The following SYNPR variants were observed in gnomAD, a reference collection of about 807,000 sequenced individuals.
SYNPR encodes the protein synaptoporin.
In SYNPR, 23 loss-of-function variants were observed where a neutral mutation model predicts 32.9. The ratio of observed to expected loss-of-function variants is 0.70; its 90% confidence interval spans 0.50 to 0.99. The LOEUF is 0.99. Among genes scored for constraint, SYNPR ranks in the 50% least tolerant of loss-of-function variants. SYNPR has a pLI of 0.00. For missense variants in SYNPR, 318 were observed against 349.3 expected (o/e 0.91, Z 0.71); for synonymous variants, 146 against 135.9 (o/e 1.07, Z -0.52).
chr3:63,481,908 C>T (rs1172780081), intron 3 of SYNPR, among the ~76,000 whole-genome samples: 5 of 152,104 alleles, frequency 3.3e-5, no homozygotes, highest in East Asian at 1.9e-4. Context: ...ATCATAAGCT[C>T]GGCATGGCTT....
At chr3:63,551,616 G>A (rs897666493) in intron 3 of SYNPR, among the ~76,000 whole-genome samples, 3 of 152,056 alleles carry the variant, frequency 2.0e-5, no homozygotes, top group African/African-American at 7.2e-5. Flanking sequence ...TCTTTTTATA[G>A]CCACCCTAGT....
intron 3 of SYNPR, among the ~76,000 whole-genome samples, chr3:63,487,673 A>G (rs184938739): frequency 4.1e-4 from 63 of 152,294 alleles, no homozygotes; most frequent in Admixed American, 3.2e-3. Flanking sequence ...GCTTTTAACT[A>G]TTTAATGTTT....
intron 3 of SYNPR, among the ~76,000 whole-genome samples, chr3:63,271,980 T>C (rs1181915314): frequency 1.3e-5 from 2 of 151,862 alleles, no homozygotes; most frequent in African/African-American, 4.8e-5. Context: ...GAAAAGAGAA[T>C]TGGGGGAACA....
At chr3:63,466,430 G>C (rs1231517197) in intron 2 of SYNPR, among the ~76,000 whole-genome samples, 1 of 151,424 alleles carries the variant, frequency 6.6e-6, no homozygotes, top group Admixed American at 6.6e-5. Flanking sequence ...GTTGGACATA[G>C]AGGCTTGCAC....
At chr3:63,264,926 T>TCG (rs1553862062) in intron 2 of SYNPR, among the ~76,000 whole-genome samples, 3 of 151,304 alleles carry the variant, frequency 2.0e-5, no homozygotes, top group Admixed American at 2.0e-4. Flanking sequence ...CTCAGAATCA[T>TCG]GGGGGAGCCA....
chr3:63,449,380 A>G (rs1432513596), intron 2 of SYNPR, among the ~76,000 whole-genome samples: 2 of 152,184 alleles, frequency 1.3e-5, no homozygotes, highest in East Asian at 3.9e-4. Flanking sequence ...CTAATAGACC[A>G]GGATTTCTCA....
At chr3:63,386,263 G>C (rs1430309192) in intron 2 of SYNPR, among the ~76,000 whole-genome samples, 1 of 152,174 alleles carries the variant, frequency 6.6e-6, no homozygotes, top group African/African-American at 2.4e-5. Context: ...TTTGAACCCT[G>C]CTTCAATTGA....
At chr3:63,319,223 G>A (rs2087081733) in intron 2 of SYNPR, among the ~76,000 whole-genome samples, 1 of 151,988 alleles carries the variant, frequency 6.6e-6, no homozygotes, top group African/African-American at 2.4e-5. Flanking sequence ...TGTCAACAAT[G>A]AGTTGTCTGT....
chr3:63,518,875 G>A (rs1041727059), intron 3 of SYNPR, among the ~76,000 whole-genome samples: 1 of 152,092 alleles, frequency 6.6e-6, no homozygotes, highest in Admixed American at 6.6e-5. Flanking sequence ...ACACATGCAC[G>A]CATATGTTCA....
At chr3:63,202,723 T>C in the SYNPR span, among the ~76,000 whole-genome samples, 1 of 152,206 alleles carries the variant, frequency 6.6e-6, no homozygotes, top group Admixed American at 6.5e-5. Flanking sequence ...CATTTGAGCA[T>C]TGGAGCTATG....
intron 2 of SYNPR, among the ~76,000 whole-genome samples, chr3:63,392,075 C>T (rs1044366685): frequency 6.6e-6 from 1 of 152,114 alleles, no homozygotes; most frequent in African/African-American, 2.4e-5. Context: ...AACTCCACCG[C>T]CTAACTAAAA....
chr3:63,270,406 T>G (rs1404868435), intron 3 of SYNPR, among the ~76,000 whole-genome samples: 1 of 152,092 alleles, frequency 6.6e-6, no homozygotes, highest in African/African-American at 2.4e-5. Context: ...TTTGCAAAAA[T>G]CATCCGTAGT....
intron 3 of SYNPR, among the ~76,000 whole-genome samples, chr3:63,497,649 G>C (rs1701398067): frequency 6.6e-6 from 1 of 151,556 alleles, no homozygotes; most frequent in African/African-American, 2.4e-5. Context: ...ATGGTCTTTA[G>C]AGATGGAATT....
chr3:63,502,120 C>A (rs1244398896), intron 3 of SYNPR, among the ~76,000 whole-genome samples: 1 of 151,822 alleles, frequency 6.6e-6, no homozygotes, highest in African/African-American at 2.4e-5. Context: ...TCACCTGTTT[C>A]TTTTTATTTT....
intron 2 of SYNPR, among the ~76,000 whole-genome samples, chr3:63,383,752 C>A (rs1212592277): frequency 6.6e-6 from 1 of 152,086 alleles, no homozygotes; most frequent in Non-Finnish European, 1.5e-5. Context: ...TATGATGACA[C>A]CAAGAAGAAC....
intron 3 of SYNPR, among the ~76,000 whole-genome samples, chr3:63,495,141 G>A (rs1220165992): frequency 6.6e-6 from 1 of 152,178 alleles, no homozygotes; most frequent in Non-Finnish European, 1.5e-5. Context: ...AGTTGTTGCT[G>A]ACACAGTTTG....
intron 4 of SYNPR, among the ~76,000 whole-genome samples, chr3:63,575,554 A>G (rs899295283): frequency 1.3e-5 from 2 of 152,226 alleles, no homozygotes; most frequent in Non-Finnish European, 2.9e-5. Context: ...GGTTTCTTCA[A>G]TGCAGTGGCT....
At chr3:63,329,058 A>G (rs1437611256) in intron 2 of SYNPR, among the ~76,000 whole-genome samples, 1 of 152,210 alleles carries the variant, frequency 6.6e-6, no homozygotes, top group African/African-American at 2.4e-5. Flanking sequence ...TAGGTGGTAT[A>G]AAAGTAATAA....
chr3:63,461,527 G>C (rs1700584598), intron 2 of SYNPR, among the ~76,000 whole-genome samples: 1 of 152,004 alleles, frequency 6.6e-6, no homozygotes, highest in Non-Finnish European at 1.5e-5. Flanking sequence ...CAAACCACTG[G>C]TTCTGTTAGG....
Sources: allele counts gnomAD v4.1 joint callset (sites outside exome capture counted in the v4.1 genomes callset), GRCh38; gene constraint gnomAD v4.1.1; transcripts MANE v1.5; gene names NCBI Gene and HGNC (gene_info 2026-07-23, HGNC 2026-07-21).